Variants in KCNAB1 observed in about 807,000 individuals in gnomAD.
KCNAB1 encodes voltage-gated potassium channel subunit beta-1.
A neutral mutation model predicts 64.6 loss-of-function variants in KCNAB1; 35 were observed. The ratio of observed to expected loss-of-function variants is 0.54; its 90% confidence interval spans 0.41 to 0.72. The LOEUF is 0.72. Ranked by LOEUF, KCNAB1 falls within the 30% of genes least tolerant of loss-of-function variation. The probability of loss-of-function intolerance (pLI) is 0.00; values close to 1 mark genes in which losing one functional copy is unlikely to be tolerated. For missense variants in KCNAB1, 401 were observed against 512.9 expected (o/e 0.78, Z 2.11); for synonymous variants, 177 against 183.8 (o/e 0.96, Z 0.30).
At chr3:156,199,711 A>G (rs1432344431) in intron 1 of KCNAB1, among the ~76,000 whole-genome samples, 3 of 152,180 alleles carry the variant, frequency 2.0e-5, no homozygotes, top group Non-Finnish European at 2.9e-5. Context: ...CTAGTTAGCA[A>G]TTCTTGTAAC....
intron 1 of KCNAB1, among the ~76,000 whole-genome samples, chr3:156,196,713 A>G (rs1354701021): frequency 6.6e-6 from 1 of 152,166 alleles, no homozygotes; most frequent in African/African-American, 2.4e-5. Flanking sequence ...TTTTTGGCTG[A>G]GATGATGGGG....
intron 1 of KCNAB1, among the ~76,000 whole-genome samples, chr3:156,270,516 TTA>T (rs1228107048): frequency 6.6e-6 from 1 of 152,216 alleles, no homozygotes; most frequent in Non-Finnish European, 1.5e-5. Context: ...ACTCATTATT[TTA>T]AACTGATGAC....
At chr3:156,533,640 G>A (rs1475817505) in intron 13 of KCNAB1, among the ~76,000 whole-genome samples, 1 of 152,150 alleles carries the variant, frequency 6.6e-6, no homozygotes, top group Non-Finnish European at 1.5e-5. Flanking sequence ...AAAGTAGAAT[G>A]AAGGGCAAGG....
intron 1 of KCNAB1, among the ~76,000 whole-genome samples, chr3:156,238,039 C>T (rs1716946209): frequency 6.6e-6 from 1 of 152,102 alleles, no homozygotes; most frequent in African/African-American, 2.4e-5. Context: ...TGAATGAGAC[C>T]GTTGGCCTGG....
intron 1 of KCNAB1, among the ~76,000 whole-genome samples, chr3:156,286,977 A>G (rs1464113564): frequency 6.6e-6 from 1 of 152,162 alleles, no homozygotes; most frequent in Non-Finnish European, 1.5e-5. Context: ...CCAGAGAACC[A>G]CGTTCTTGCA....
intron 8 of KCNAB1, among the ~76,000 whole-genome samples, chr3:156,484,220 AG>A (rs1171132914): frequency 6.6e-6 from 1 of 152,202 alleles, no homozygotes; most frequent in African/African-American, 2.4e-5. Context: ...TGTATCATTC[AG>A]TAAGTTAAAA....
chr3:156,408,068 C>A (rs1576828177), intron 1 of KCNAB1, among the ~76,000 whole-genome samples: 1 of 150,898 alleles, frequency 6.6e-6, no homozygotes, highest in Admixed American at 6.6e-5. Flanking sequence ...CAGTGGCGGG[C>A]GGTGGTGGCG....
At chr3:156,284,031 G>A (rs936179312) in intron 1 of KCNAB1, among the ~76,000 whole-genome samples, 19 of 152,228 alleles carry the variant, frequency 1.2e-4, no homozygotes, top group African/African-American at 4.3e-4. Flanking sequence ...CTTTGGAGGA[G>A]GAGAGGTGCT....
intron 1 of KCNAB1, among the ~76,000 whole-genome samples, chr3:156,217,303 C>A (rs947971441): frequency 6.6e-6 from 1 of 152,142 alleles, no homozygotes; most frequent in African/African-American, 2.4e-5. Flanking sequence ...ATTACTTTGG[C>A]CTCTCTTTTC....
intron 8 of KCNAB1, among the ~76,000 whole-genome samples, chr3:156,484,324 T>C (rs1284249900): frequency 2.0e-5 from 3 of 152,104 alleles, no homozygotes; most frequent in Non-Finnish European, 2.9e-5. Context: ...AGGATGCTTT[T>C]TTCTTCTTCT....
At chr3:156,296,842 G>T (rs766585107) in intron 1 of KCNAB1, among the ~76,000 whole-genome samples, 9 of 152,140 alleles carry the variant, frequency 5.9e-5, no homozygotes, top group African/African-American at 2.4e-5. Flanking sequence ...ATTTACAGAA[G>T]TTTGCAAAGA....
Position 156,199,022 on chromosome 3 carries a change from A to G in KCNAB1, c.275+78136A>G, listed in dbSNP as rs190093823. Among the ~76,000 whole-genome samples the G allele has an allele frequency of 2.5e-3, 373 of 146,344 alleles. 2 individuals carry two copies. The highest frequency in any genetic ancestry group is 8.7e-3 in the African/African-American group (340 of 39,120). On this transcript the variant is annotated intron_variant, in intron 1 of 13. Transcript: ENST00000490337. ...TTGTAAGGCAGGCCTGGTGGTGGCA[A>G]TATCCCTCAGCATTTGCTTGTCTGT...
chr3:156,295,056 CATAA>C (rs1720690522), intron 1 of KCNAB1, among the ~76,000 whole-genome samples: 1 of 152,060 alleles, frequency 6.6e-6, no homozygotes, highest in Non-Finnish European at 1.5e-5. Context: ...AGAAACAGAC[CATAA>C]ATAACAAAAC....
chr3:156,191,074 G>C (rs1251079967), intron 1 of KCNAB1, among the ~76,000 whole-genome samples: 3 of 152,262 alleles, frequency 2.0e-5, no homozygotes, highest in African/African-American at 7.2e-5. Flanking sequence ...ATAATTTGAG[G>C]ATGTTTGTCC....
intron 1 of KCNAB1, among the ~76,000 whole-genome samples, chr3:156,351,779 AGC>A (rs1364326529): frequency 4.6e-5 from 7 of 152,266 alleles, no homozygotes; most frequent in Non-Finnish European, 8.8e-5. Flanking sequence ...TGTGTGAAAC[AGC>A]CTCAGGCAAT....
rs1389748990 is a variant in KCNAB1 at position 156,376,916 on chromosome 3, A to C, written c.276-44700A>C. On this transcript the variant is annotated intron_variant, in intron 1 of 13. Coordinates refer to ENST00000490337, the MANE Select transcript of KCNAB1 (RefSeq NM_172160.3). ...AGGAGATGAGATCGAGGACACAGGT[A>C]GATAGAAGGAGGGATATGCTTTTCC... Among the ~76,000 whole-genome samples the C allele has an allele frequency of 2.0e-5, 3 of 152,226 alleles. 1 individual carries two copies. The highest frequency in any genetic ancestry group is 7.2e-5 in the African/African-American group (3 of 41,462).
At chr3:156,171,073 G>A (rs559488052) in intron 1 of KCNAB1, among the ~76,000 whole-genome samples, 36 of 152,128 alleles carry the variant, frequency 2.4e-4, no homozygotes, top group Non-Finnish European at 4.3e-4. Context: ...ACCCAATTAT[G>A]TATGTCTACC....
intron 8 of KCNAB1, among the ~76,000 whole-genome samples, chr3:156,496,166 G>T (rs1488294528): frequency 6.6e-6 from 1 of 152,020 alleles, no homozygotes; most frequent in African/African-American, 2.4e-5. Flanking sequence ...TTTTGTAAAG[G>T]CACAATATTT....
chr3:156,480,882 A>G (rs1044851542), intron 8 of KCNAB1, among the ~76,000 whole-genome samples: 1 of 152,104 alleles, frequency 6.6e-6, no homozygotes, highest in Non-Finnish European at 1.5e-5. Context: ...TAGGTGCTCA[A>G]TAAATATTTA....
Sources: gnomAD v4.1 joint callset for allele counts (sites outside exome capture counted in the v4.1 genomes callset) on GRCh38, gnomAD v4.1.1 for gene constraint, MANE v1.5 for transcripts, NCBI Gene and HGNC (gene_info 2026-07-23, HGNC 2026-07-21) for gene names.